The following ZNF90 variants were observed in gnomAD, a reference collection of about 807,000 sequenced individuals.
ZNF90 encodes zinc finger protein HTF9.
Under a neutral mutation model 12.0 loss-of-function variants are expected in ZNF90, and 11 were observed. The ratio of observed to expected loss-of-function variants is 0.92; its 90% CI spans 0.58 to 1.52. The LOEUF is 1.52. ZNF90 is among the 40% of genes most tolerant of loss of function. The probability of loss-of-function intolerance (pLI) is 0.00; values close to 1 mark genes in which losing one functional copy is unlikely to be tolerated. For synonymous variants in ZNF90, 232 were observed against 240.1 expected, an observed-to-expected ratio of 0.97 and a Z score of 0.31; for missense variants, 765 against 711.5, an observed-to-expected ratio of 1.08 and a Z score of -0.86.
intron 3 of ZNF90, among the ~76,000 whole-genome samples, chr19:20,106,768 T>G (rs1356984746): frequency 6.6e-6 from 1 of 152,146 alleles, no homozygotes. Flanking sequence ...TTTCATAAAT[T>G]GGTTTTAGAA....
chr19:20,090,258 G>A (rs557301904), intron 1 of ZNF90, among the ~76,000 whole-genome samples: 3 of 152,218 alleles, frequency 2.0e-5, no homozygotes, highest in Non-Finnish European at 4.4e-5. Flanking sequence ...AAGTGGTGGG[G>A]GTGACTTCGT....
chr19:20,100,367 A>G (rs529175141), intron 1 of ZNF90, among the ~76,000 whole-genome samples: 1 of 152,358 alleles, frequency 6.6e-6, no homozygotes, highest in African/African-American at 2.4e-5. Context: ...GTGTGCCAAA[A>G]AAATAATCCC....
rs903302572 is a variant in ZNF90, at chr19:20,120,182, G to T, written c.*822G>T. The stretch of plus-strand genomic sequence containing the variant: ...TTCACAGGAAAGCTAGTATCCTTGA[G>T]AAAAATTGCACAATTATAAAAAATA... On this transcript the variant is annotated 3_prime_UTR_variant, in exon 4 of 4. Transcript: ENST00000418063. 1.3e-5 allele frequency among the ~76,000 whole-genome samples: 2 copies of T among 152,086 alleles called. No individual in the cohort carries two copies. Among genetic ancestry groups the T allele is most frequent in the Admixed American group, 6.6e-5 (1 of 15,262 alleles).
intron 3 of ZNF90, among the ~76,000 whole-genome samples, chr19:20,110,191 T>C (rs1555704921): frequency 6.6e-6 from 1 of 152,230 alleles, no homozygotes; most frequent in African/African-American, 2.4e-5. Flanking sequence ...GGGAGACATC[T>C]GGATTGCTTT....
At chr19:20,082,522 A>C (rs900784838) in intron 1 of ZNF90, among the ~76,000 whole-genome samples, 1 of 152,182 alleles carries the variant, frequency 6.6e-6, no homozygotes, top group Admixed American at 6.5e-5. Flanking sequence ...GGTTTAATGG[A>C]TTTAGGGCTA....
At chr19:20,107,135 C>T (rs1725925) in intron 3 of ZNF90, 114,197 of 392,320 alleles carry the variant, frequency 0.29, 17,962 homozygotes, top group East Asian at 0.48. Flanking sequence ...ATCTGTGGCT[C>T]AGGTAACTGA....
chr19:20,099,233 G>A (rs2088971186), intron 1 of ZNF90, among the ~76,000 whole-genome samples: 2 of 151,932 alleles, frequency 1.3e-5, no homozygotes, highest in Non-Finnish European at 2.9e-5. Flanking sequence ...GAATTCAGTG[G>A]CATGATTTCA....
At chr19:20,103,077 C>G (rs542981996) in intron 1 of ZNF90, among the ~76,000 whole-genome samples, 2 of 152,124 alleles carry the variant, frequency 1.3e-5, no homozygotes, top group Middle Eastern at 3.4e-3. Flanking sequence ...TCCTTTGAGT[C>G]CTTTGAGAAA....
rs142683472 is a variant in ZNF90 at position 20,092,233 on chromosome 19, T to C, written c.4-12006T>C. Among the ~76,000 whole-genome samples the C allele has an allele frequency of 4.2e-3, 635 of 151,964 alleles. 6 individuals carry two copies. Among genetic ancestry groups the C allele is most frequent in the African/African-American group, 0.015 (607 of 41,434 alleles). The stretch of plus-strand genomic sequence containing the variant: ...TATGTGTCAGGTGTGAGGAAGAAAA[T>C]AGATTTTGGAAATTATGAGAGCTGT... On this transcript the variant is annotated intron_variant, in intron 1 of 3. Transcript: ENST00000418063.
intron 1 of ZNF90, among the ~76,000 whole-genome samples, chr19:20,083,918 T>C (rs2088839793): frequency 6.6e-6 from 1 of 151,940 alleles, no homozygotes; most frequent in Non-Finnish European, 1.5e-5. Flanking sequence ...CCTGGCCAAT[T>C]TTTCTTTTTG....
At position 20,109,832 on chromosome 19, in the gene ZNF90, C is replaced by T. The variant is rs141003206; in HGVS notation, c.226+4516C>T. On this transcript the variant is annotated intron_variant, in intron 3 of 3. Transcript: ENST00000418063. ...CTCCAGCTTGGGTGACAGAGTGAGA[C>T]TCTGTCTCCAAAAAAAAAAGCTGTT... Among the ~76,000 whole-genome samples, 5 of 151,882 alleles carry T rather than the reference C, an allele frequency of 3.3e-5. No homozygotes were observed. The East Asian group carries it at 5.8e-4, about 18-fold the overall frequency.
At chr19:20,091,941 C>T (rs1467950877) in intron 1 of ZNF90, among the ~76,000 whole-genome samples, 1 of 152,128 alleles carries the variant, frequency 6.6e-6, no homozygotes, top group Non-Finnish European at 1.5e-5. Context: ...GATACTATAG[C>T]ATAGCCTGCC....
intron 1 of ZNF90, among the ~76,000 whole-genome samples, chr19:20,087,863 T>C (rs1363892905): frequency 5.3e-5 from 8 of 152,068 alleles, no homozygotes; most frequent in African/African-American, 1.7e-4. Flanking sequence ...AGGGGGTTTG[T>C]TCTCTGGTGG....
chr19:20,080,284 G>C (rs1435442350), intron 1 of ZNF90: 2 of 570,026 alleles, frequency 3.5e-6, no homozygotes, highest in East Asian at 9.1e-5. Flanking sequence ...CTCGTTATTA[G>C]ATGTATTGTA....
In ZNF90 at chr19:20,118,719, A is replaced by G. The variant is rs782799803; in HGVS notation, c.1165A>G (p.Ile389Val). 18 of 1,608,532 alleles carry G rather than the reference A, an allele frequency of 1.1e-5. No individual in the cohort carries two copies. The South Asian group carries it at 1.8e-4, about 16-fold the overall frequency. The change falls in exon 4 of 4, where the codon ATA becomes GTA. Residue 389 changes from isoleucine (I) to valine (V), a missense_variant. By Grantham distance (29) the Ile-to-Val change is conservative. Transcript: ENST00000418063. ...ISSSLLYKHK[I>V]SHSEKKPYKC... ...ATCCTCACTCCTTTATAAACATAAG[A>G]TAAGTCATAGTGAAAAGAAACCCTA... is the stretch of plus-strand genomic sequence containing the variant.
chr19:20,084,690 G>T (rs1377150298), intron 1 of ZNF90, among the ~76,000 whole-genome samples: 1 of 152,176 alleles, frequency 6.6e-6, no homozygotes, highest in South Asian at 2.1e-4. Context: ...ATTCTGACTG[G>T]TGTGTGGTGG....
chr19:20,115,803 ATCC>A (rs1555705614), intron 3 of ZNF90, among the ~76,000 whole-genome samples: 1 of 151,846 alleles, frequency 6.6e-6, no homozygotes, highest in Non-Finnish European at 1.5e-5. Flanking sequence ...ATTTCTTGTT[ATCC>A]TCATTTTCCT....
At chr19:20,090,777 C>T (rs2088896150) in intron 1 of ZNF90, among the ~76,000 whole-genome samples, 1 of 152,152 alleles carries the variant, frequency 6.6e-6, no homozygotes, top group Admixed American at 6.5e-5. Flanking sequence ...TATAAAAGTT[C>T]AAATGGACTG....
chr19:20,085,543 A>C (rs1482632231), intron 1 of ZNF90, among the ~76,000 whole-genome samples: 2 of 150,446 alleles, frequency 1.3e-5, no homozygotes, highest in East Asian at 3.9e-4. Context: ...TACAGGCTTG[A>C]GCCACCGCGC....
Sources: allele counts gnomAD v4.1 joint callset (sites outside exome capture counted in the v4.1 genomes callset), GRCh38; gene constraint gnomAD v4.1.1; transcripts MANE v1.5; gene names NCBI Gene and HGNC (gene_info 2026-07-23, HGNC 2026-07-21).